DHRS12: variants seen among roughly 807,000 people sequenced by gnomAD.
DHRS12 encodes the protein dehydrogenase/reductase 12, also known as dehydrogenase/reductase SDR family member 12.
DHRS12 carries 29 observed loss-of-function variants against 32.1 expected under a neutral mutation model. That is an observed-to-expected ratio of 0.90 (90% CI 0.67 to 1.23). The LOEUF (loss-of-function observed/expected upper bound fraction) is 1.23, where lower values mean the gene tolerates loss of function less well. DHRS12 is among the 50% of genes most tolerant of loss of function. DHRS12 has a pLI of 0.00. For missense variants in DHRS12, 330 were observed against 337.2 expected (o/e 0.98, Z 0.17); for synonymous variants, 150 against 135.9 (o/e 1.10, Z -0.72).
intron 4 of DHRS12, among the ~76,000 whole-genome samples, chr13:51,780,307 T>C (rs1329801528): frequency 6.6e-6 from 1 of 152,202 alleles, no homozygotes; most frequent in Non-Finnish European, 1.5e-5. Flanking sequence ...AACAACTTCC[T>C]TTCCTCTAAG....
the DHRS12 span, chr13:51,758,442 T>A: frequency 2.1e-6 from 1 of 486,196 alleles, no homozygotes; most frequent in Non-Finnish European, 3.7e-6. Flanking sequence ...TCCCAGCTAC[T>A]CAGGAGATTT....
chr13:51,777,701 T>C (rs1256756675), intron 4 of DHRS12, among the ~76,000 whole-genome samples: 1 of 152,182 alleles, frequency 6.6e-6, no homozygotes, highest in East Asian at 1.9e-4. Flanking sequence ...AATGAGAAAT[T>C]ACAAAACATT....
intron 7 of DHRS12, chr13:51,771,382 T>G: frequency 6.2e-6 from 10 of 1,614,106 alleles, no homozygotes; most frequent in Non-Finnish European, 8.5e-6. Flanking sequence ...TCATTCGAGC[T>G]GTGTCCTTGT....
chr13:51,771,640 G>T, intron 7 of DHRS12, 181 bp downstream of exon 7: 1 of 1,414,100 alleles, frequency 7.1e-7, no homozygotes, highest in Non-Finnish European at 9.6e-7. Context: ...AAAGCTCTGT[G>T]TCTGTATGAG....
chr13:51,804,008 G>T, intron 1 of DHRS12, 46 bp downstream of exon 1: 2 of 1,436,570 alleles, frequency 1.4e-6, no homozygotes, highest in Non-Finnish European at 1.8e-6. Context: ...CGCCGAGGCG[G>T]GCCACGTGAC....
chr13:51,768,648 A>C, intron 8 of DHRS12: 1 of 1,141,180 alleles, frequency 8.8e-7, no homozygotes, highest in African/African-American at 1.6e-5. Flanking sequence ...AGAGAAGCCA[A>C]GCAAAGAGCC....
intron 4 of DHRS12, among the ~76,000 whole-genome samples, chr13:51,778,463 C>T (rs1954548833): frequency 6.6e-6 from 1 of 152,092 alleles, no homozygotes; most frequent in African/African-American, 2.4e-5. Context: ...AGCTGTTAAC[C>T]TCCAGCCAGT....
chr13:51,756,400 G>A, the DHRS12 span: 1 of 1,614,130 alleles, frequency 6.2e-7, no homozygotes, highest in South Asian at 1.1e-5. Flanking sequence ...CCATCCCCCT[G>A]ATGGGCTTCG....
At chr13:51,774,134 C>T in intron 5 of DHRS12, 100 bp from the exon 6 acceptor site, 2 of 1,054,230 alleles carry the variant, frequency 1.9e-6, no homozygotes, top group Non-Finnish European at 2.8e-6. Context: ...GACCAATGAC[C>T]ACAAAATTAG....
chr13:51,775,674 TGTATTCTCCTACA>T (rs1566280115), intron 5 of DHRS12: 1 of 6,332 alleles, frequency 1.6e-4, no homozygotes, highest in Non-Finnish European at 6.2e-4. Context: ...TTCTCCTACA[TGTATTCTCCTACA>T]GTATTCTCCT....
chr13:51,779,271 CA>C (rs971103969), intron 4 of DHRS12, among the ~76,000 whole-genome samples: 1 of 152,170 alleles, frequency 6.6e-6, no homozygotes, highest in Non-Finnish European at 1.5e-5. Context: ...TTGAATTAAG[CA>C]AAAAACTCCT....
the DHRS12 span, chr13:51,758,145 A>G: frequency 2.1e-6 from 3 of 1,460,408 alleles, no homozygotes; most frequent in Admixed American, 1.7e-5. Flanking sequence ...TCTCTCATTC[A>G]TATGTCACCA....
chr13:51,783,212 C>T lies in DHRS12; in HGVS notation c.302-6091G>A, dbSNP rs542080857. On this transcript the variant is annotated intron_variant, in intron 4 of 8. Transcript: ENST00000444610. ...GGTACAGTTTAAACCAAGAGCCTCG[C>T]CTGGGGCCCTTCTAGTGGTCGAGGG... 5.3e-5 allele frequency among the ~76,000 whole-genome samples: 8 copies of T among 152,292 alleles called. No homozygotes were observed. In the South Asian group the frequency reaches 1.7e-3, roughly 32 times the overall value.
Position 51,768,357 on chromosome 13 carries a change from C to T in DHRS12, c.698-61G>A, listed in dbSNP as rs990747504. On this transcript the variant is annotated intron_variant, in intron 8 of 8. Coordinates refer to ENST00000444610, the MANE Select transcript of DHRS12 (RefSeq NM_001377533.1). ...TGCTGCAGCGTGGCTGGGTCCATGTCCCTGTGCTGCTCAGGCCTTGAACCG... is the reference window on the plus strand; with the variant it reads ...TGCTGCAGCGTGGCTGGGTCCATGTTCCTGTGCTGCTCAGGCCTTGAACCG... 5.9e-6 allele frequency: 9 copies of T among 1,532,640 alleles called. No individual in the cohort carries two copies. The African/African-American group carries it at 1.2e-4, about 21-fold the overall frequency. 94.9% of individuals were successfully genotyped at this position (1,532,640 alleles called of 1,614,324 possible). A position where few individuals can be genotyped will look rare whatever the true frequency, so the allele number is the denominator to read the frequency against.
chr13:51,804,004 G>GGCGGGCCACGTGACAGCCCGGGGCC, intron 1 of DHRS12, 50 bp downstream of exon 1: 1 of 1,418,562 alleles, frequency 7.0e-7, no homozygotes, highest in African/African-American at 1.5e-5. Context: ...CCCGCGCCGA[G>GGCGGGCCACGTGACAGCCCGGGGCC]GCGGGCCACG....
intron 5 of DHRS12, among the ~76,000 whole-genome samples, chr13:51,776,678 C>G (rs1397659128): frequency 6.6e-6 from 1 of 152,178 alleles, no homozygotes; most frequent in Non-Finnish European, 1.5e-5. Context: ...ATATTTCAAC[C>G]CGCTGGGGGA....
At chr13:51,799,386 C>T (rs1285792523) in intron 2 of DHRS12, 148 bp downstream of exon 2, 11 of 1,244,992 alleles carry the variant, frequency 8.8e-6, no homozygotes, top group Non-Finnish European at 1.2e-5. Flanking sequence ...GAGCTCAAAA[C>T]TCAGAAAGCT....
chr13:51,768,702 C>T (rs1029842383), intron 8 of DHRS12: 2 of 1,128,498 alleles, frequency 1.8e-6, no homozygotes, highest in Non-Finnish European at 2.2e-6. Context: ...ATGGCGTCCA[C>T]TCACACGCCT....
Position 51,771,906 on chromosome 13 carries a change from C to T in DHRS12, c.474G>A (p.Gln158=), listed in dbSNP as rs370157798. The stretch of plus-strand genomic sequence containing the variant: ...CCCACCGCTCCGTCAGAACCACTTG[C>T]TGCCTCTGGACAGGAAGGAGCGAGG... ...GTMVYAQNKR[Q]QVVLTERWAQ... Residue 158 remains glutamine (Q), a synonymous_variant, in exon 7 of 9, where the codon CAG becomes CAA. Coordinates refer to ENST00000444610, the MANE Select transcript of DHRS12 (RefSeq NM_001377533.1). 1.5e-5 allele frequency: 24 copies of T among 1,613,968 alleles called. No homozygotes were observed. Among genetic ancestry groups the T allele is most frequent in the Non-Finnish European group, 1.9e-5 (22 of 1,179,996 alleles).
Sources: allele counts gnomAD v4.1 joint callset (sites outside exome capture counted in the v4.1 genomes callset), GRCh38; gene constraint gnomAD v4.1.1; transcripts MANE v1.5; gene names NCBI Gene and HGNC (gene_info 2026-07-23, HGNC 2026-07-21).